The following CERS6 variants were observed in gnomAD, a reference collection of about 807,000 sequenced individuals.
CERS6 encodes the protein ceramide synthase 6, also known as LAG1 homolog, ceramide synthase 6.
Under a neutral mutation model 56.8 loss-of-function variants are expected in CERS6, and 26 were observed. The observed-to-expected ratio is 0.46, with a 90% confidence interval of 0.34 to 0.63. The LOEUF (loss-of-function observed/expected upper bound fraction) is 0.63. Among genes scored for constraint, CERS6 ranks in the 30% least tolerant of loss-of-function variants. CERS6 has a pLI of 0.01. For synonymous variants in CERS6, 164 were observed against 173.3 expected (o/e 0.95, Z 0.42); for missense variants, 415 against 467.5 (o/e 0.89, Z 1.04).
intron 4 of CERS6, among the ~76,000 whole-genome samples, chr2:168,678,192 C>G (rs934074510): frequency 6.6e-6 from 1 of 152,172 alleles, no homozygotes; most frequent in African/African-American, 2.4e-5. Context: ...CAAAGGCAAA[C>G]GTCTTACTAT....
chr2:168,609,974 G>GTTTTTTTTTTTTTTTTTTTT, intron 3 of CERS6, among the ~76,000 whole-genome samples: 1 of 93,820 alleles, frequency 1.1e-5, no homozygotes, highest in Non-Finnish European at 1.9e-5. Flanking sequence ...AGATGTGACT[G>GTTTTTTTTTTTTTTTTTTTT]TTTTTTTTTT....
At chr2:168,460,985 A>C (rs1204028944) in intron 1 of CERS6, among the ~76,000 whole-genome samples, 1 of 152,036 alleles carries the variant, frequency 6.6e-6, no homozygotes, top group African/African-American at 2.4e-5. Flanking sequence ...AGAGAGCGAG[A>C]GAGAGAGAGA....
chr2:168,456,622 A>T lies in CERS6; in HGVS notation c.170+4A>T. On this transcript the variant is annotated splice_donor_region_variant and intron_variant, in intron 1 of 9. Coordinates refer to ENST00000305747, the MANE Select transcript of CERS6 (RefSeq NM_203463.3). The surrounding 1 kb of genome is among the most constrained non-coding windows in gnomAD (Gnocchi z 4.1). ...TGGTGCGGCTCATCTTCGAGAGGTA[A>T]GAAGGGCTGAAGCCCCTCCTCCCCT... 6.2e-7 allele frequency: 1 copy of T among 1,612,748 alleles called. No individual in the cohort carries two copies. Among genetic ancestry groups the T allele is most frequent in the Non-Finnish European group, 8.5e-7 (1 of 1,179,208 alleles).
intron 3 of CERS6, among the ~76,000 whole-genome samples, chr2:168,603,666 C>T (rs2105265476): frequency 6.6e-6 from 1 of 152,322 alleles, no homozygotes; most frequent in African/African-American, 2.4e-5. Context: ...CCTGGAAGGT[C>T]CTGTTCTCTC....
intron 2 of CERS6, among the ~76,000 whole-genome samples, chr2:168,550,800 C>T (rs1028898812): frequency 1.3e-5 from 2 of 152,204 alleles, no homozygotes; most frequent in African/African-American, 2.4e-5. Context: ...GAGTCGCCCA[C>T]CACATGCACT....
chr2:168,728,220 G>A (rs1398233324), intron 8 of CERS6, among the ~76,000 whole-genome samples: 1 of 151,972 alleles, frequency 6.6e-6, no homozygotes, highest in Non-Finnish European at 1.5e-5. Flanking sequence ...TTTGCTCTCT[G>A]GTCTCTTGCA....
intron 3 of CERS6, among the ~76,000 whole-genome samples, chr2:168,616,377 C>T (rs1840170): frequency 0.52 from 78,574 of 151,974 alleles, 23,888 homozygotes; most frequent in Middle Eastern, 0.72. Context: ...GCAATAGTAC[C>T]TCACATCTCA....
rs745477603 is a variant in CERS6 at position 168,456,653 on chromosome 2, TGCGCACACACACGC to T, written c.170+46_170+59del. 57 of 1,476,318 alleles carry T rather than the reference TGCGCACACACACGC, an allele frequency of 3.9e-5. 1 individual carries two copies. The South Asian group carries it at 4.3e-4, about 11-fold the overall frequency. 91.5% of individuals were successfully genotyped at this position (1,476,318 alleles called of 1,614,324 possible). A position where few individuals can be genotyped will look rare whatever the true frequency, so the allele number is the denominator to read the frequency against. On this transcript the variant is annotated intron_variant, in intron 1 of 9. Coordinates refer to ENST00000305747, the MANE Select transcript of CERS6 (RefSeq NM_203463.3). The surrounding 1 kb of genome is among the most constrained non-coding windows in gnomAD (Gnocchi z 4.1). ...GCTGAAGCCCCTCCTCCCCTCCCCC[TGCGCACACACACGC>T]GCGCACACACTCGCGCGCTCTCTGG...
At chr2:168,713,639 T>C (rs537354483) in intron 6 of CERS6, among the ~76,000 whole-genome samples, 1 of 152,330 alleles carries the variant, frequency 6.6e-6, no homozygotes, top group Admixed American at 6.5e-5. Context: ...CAATTTACTG[T>C]TATTTCTGCA....
At chr2:168,587,687 A>G (rs1436620345) in intron 3 of CERS6, among the ~76,000 whole-genome samples, 1 of 152,142 alleles carries the variant, frequency 6.6e-6, no homozygotes, top group Non-Finnish European at 1.5e-5. Flanking sequence ...GGCATGTGGT[A>G]TACAGGCAAA....
At chr2:168,606,138 G>A (rs941107030) in intron 3 of CERS6, among the ~76,000 whole-genome samples, 1 of 152,340 alleles carries the variant, frequency 6.6e-6, no homozygotes, top group East Asian at 1.9e-4. Flanking sequence ...CACAAGGGGT[G>A]GAGCTGCCCA....
chr2:168,712,920 T>C (rs1687129357), intron 6 of CERS6, among the ~76,000 whole-genome samples: 1 of 152,182 alleles, frequency 6.6e-6, no homozygotes, highest in African/African-American at 2.4e-5. Flanking sequence ...TGTGTACTAT[T>C]ATAGTCTATC....
intron 3 of CERS6, among the ~76,000 whole-genome samples, chr2:168,602,613 GAAT>G (rs1015655084): frequency 1.7e-4 from 26 of 152,280 alleles, no homozygotes; most frequent in Admixed American, 9.2e-4. Flanking sequence ...GGAAAGAGAA[GAAT>G]AATAAGTATC....
chr2:168,704,656 G>T (rs1005262966), intron 6 of CERS6, among the ~76,000 whole-genome samples: 5 of 152,012 alleles, frequency 3.3e-5, no homozygotes, highest in Non-Finnish European at 1.5e-5. Context: ...GCCCAGGCTC[G>T]AGTGCAGTGG....
intron 6 of CERS6, among the ~76,000 whole-genome samples, chr2:168,713,847 A>G (rs533010487): frequency 6.6e-6 from 1 of 152,288 alleles, no homozygotes; most frequent in South Asian, 2.1e-4. Context: ...TTCTTATTTG[A>G]GTATCCCAAC....
At chr2:168,562,163 ACT>A (rs1031619899) in intron 3 of CERS6, among the ~76,000 whole-genome samples, 1 of 151,926 alleles carries the variant, frequency 6.6e-6, no homozygotes, top group South Asian at 2.1e-4. Flanking sequence ...TTTCGGTGTA[ACT>A]CTCTTAGTTG....
intron 6 of CERS6, among the ~76,000 whole-genome samples, chr2:168,697,430 A>G (rs973136417): frequency 6.6e-6 from 1 of 151,960 alleles, no homozygotes; most frequent in Admixed American, 6.6e-5. Flanking sequence ...ATGTAGACTG[A>G]TTATTTTCTG....
intron 3 of CERS6, among the ~76,000 whole-genome samples, chr2:168,566,798 T>G: frequency 3.1e-5 from 1 of 32,242 alleles, no homozygotes; most frequent in African/African-American, 9.6e-5. Context: ...GCCACCTACT[T>G]GCAAAAAAAA....
chr2:168,536,988 T>C (rs1695276153), intron 1 of CERS6, among the ~76,000 whole-genome samples: 1 of 152,204 alleles, frequency 6.6e-6, no homozygotes, highest in African/African-American at 2.4e-5. Flanking sequence ...TATTGTGTTA[T>C]TTGTAAATGC....
Sources: allele counts gnomAD v4.1 joint callset (sites outside exome capture counted in the v4.1 genomes callset), GRCh38; gene constraint gnomAD v4.1.1; non-coding constraint Gnocchi (gnomAD v3.1); transcripts MANE v1.5; gene names NCBI Gene and HGNC (gene_info 2026-07-23, HGNC 2026-07-21).